Variants in KIF5C observed in about 807,000 individuals in gnomAD.
The protein encoded by KIF5C is kinesin family member 5C.
In KIF5C, 18 loss-of-function variants were observed where a neutral mutation model predicts 125.2. The ratio of observed to expected loss-of-function variants is 0.14; its 90% CI spans 0.10 to 0.21. The LOEUF (loss-of-function observed/expected upper bound fraction) is 0.21, where lower values mean the gene tolerates loss of function less well. KIF5C is among the 10% of genes least tolerant of loss of function. The pLI is 1.00. For missense variants in KIF5C, 780 were observed against 1,183.8 expected, an observed-to-expected ratio of 0.66 and a Z score of 5.01; for synonymous variants, 405 against 434.0, an observed-to-expected ratio of 0.93 and a Z score of 0.83.
chr2:148,924,628 G>A lies in KIF5C; in HGVS notation c.217+2401G>A, dbSNP rs1681921561. Among the ~76,000 whole-genome samples, 1 of 152,134 alleles carries A rather than the reference G, an allele frequency of 6.6e-6. No homozygotes were observed. The highest frequency in any genetic ancestry group is 1.5e-5 in the Non-Finnish European group (1 of 68,032). On this transcript the variant is annotated intron_variant, in intron 2 of 25. Transcript: ENST00000435030. The surrounding 1 kb of genome is among the most constrained non-coding windows in gnomAD (Gnocchi z 4.0). ...CCATTTCTTCTCAAAGAGGTTGTAG[G>A]GTTTCTGACTACCAGCACAGTAAAT...
chr2:148,911,516 A>C (rs1574726205), intron 1 of KIF5C, among the ~76,000 whole-genome samples: 1 of 152,204 alleles, frequency 6.6e-6, no homozygotes, highest in East Asian at 1.9e-4. Context: ...AGCAAAAATT[A>C]GGTGGCAGGA....
intron 10 of KIF5C, among the ~76,000 whole-genome samples, chr2:148,957,496 C>T (rs575050781): frequency 4.6e-4 from 69 of 150,598 alleles, no homozygotes; most frequent in African/African-American, 1.6e-3. Flanking sequence ...TATCCTTTTA[C>T]TCTTAGTCTC....
chr2:148,965,861 G>A (rs1369649623), intron 11 of KIF5C, among the ~76,000 whole-genome samples: 2 of 152,102 alleles, frequency 1.3e-5, no homozygotes, highest in Non-Finnish European at 2.9e-5. Context: ...TTGTGGGCAG[G>A]GCCAGTTAGA....
chr2:149,018,592 G>C (rs1682438572), intron 25 of KIF5C, among the ~76,000 whole-genome samples: 1 of 152,206 alleles, frequency 6.6e-6, no homozygotes, highest in Admixed American at 6.5e-5. Context: ...ACTTTGGGAG[G>C]CCAAGGCAGG....
chr2:148,940,044 T>A (rs957230154), intron 4 of KIF5C, among the ~76,000 whole-genome samples: 1 of 152,242 alleles, frequency 6.6e-6, no homozygotes, highest in African/African-American at 2.4e-5. Flanking sequence ...TTTTTTTAGA[T>A]GTAATTAATT....
At chr2:148,987,132 T>C (rs985661712) in intron 15 of KIF5C, among the ~76,000 whole-genome samples, 5 of 152,200 alleles carry the variant, frequency 3.3e-5, no homozygotes, top group Non-Finnish European at 7.3e-5. Flanking sequence ...ATGGGAAGAA[T>C]GACAGGGACT....
intron 12 of KIF5C, 37 bp from the exon 13 acceptor site, chr2:148,978,885 A>G: frequency 6.4e-7 from 1 of 1,563,890 alleles, no homozygotes; most frequent in Non-Finnish European, 8.6e-7. Flanking sequence ...AAAATGACAT[A>G]ACTAACCAAA....
At chr2:148,927,492 G>T (rs1394179732) in intron 2 of KIF5C, among the ~76,000 whole-genome samples, 1 of 152,026 alleles carries the variant, frequency 6.6e-6, no homozygotes, top group Non-Finnish European at 1.5e-5. Context: ...CAGGGTGTGT[G>T]TGTGTGTGTG....
intron 21 of KIF5C, among the ~76,000 whole-genome samples, chr2:149,002,913 G>A (rs1206383883): frequency 1.3e-5 from 2 of 152,150 alleles, no homozygotes; most frequent in African/African-American, 2.4e-5. Flanking sequence ...TTTGAATGAC[G>A]TATTTTCCTC....
Position 148,994,477 on chromosome 2 carries a change from G to A in KIF5C, c.1962G>A (p.Arg654=). 1 of 1,576,904 alleles carries A rather than the reference G, an allele frequency of 6.3e-7. No homozygotes were observed. Among genetic ancestry groups the A allele is most frequent in the Non-Finnish European group, 8.6e-7 (1 of 1,161,342 alleles). Residue 654 remains arginine (R), a synonymous_variant, in exon 17 of 26, where the codon AGG becomes AGA. Coordinates refer to ENST00000435030, the MANE Select transcript of KIF5C (RefSeq NM_004522.3). The part of the protein sequence containing the change: ...TDYMQNMEQK[R]RQLEESQDSL... ...ACATGCAGAACATGGAACAGAAGAG[G>A]AGGCAGCTAGAAGAGTCCCAGGACT...
chr2:149,013,859 T>C (rs971336925), intron 25 of KIF5C, among the ~76,000 whole-genome samples: 5 of 152,056 alleles, frequency 3.3e-5, no homozygotes, highest in African/African-American at 1.2e-4. Context: ...AGAGTGAAAA[T>C]CAGTAGGTCT....
chr2:148,987,373 G>GCCAGAA (rs1174248585), intron 15 of KIF5C, among the ~76,000 whole-genome samples: 3 of 152,174 alleles, frequency 2.0e-5, no homozygotes, highest in Non-Finnish European at 2.9e-5. Context: ...TAGTAGCCTG[G>GCCAGAA]CCAGAACCAG....
At chr2:148,922,532 C>T (rs1681829028) in intron 2 of KIF5C, among the ~76,000 whole-genome samples, 1 of 152,130 alleles carries the variant, frequency 6.6e-6, no homozygotes, top group Middle Eastern at 3.2e-3. Context: ...AATTTTAAAA[C>T]ACTGGCTGCA....
chr2:148,950,394 C>A lies in KIF5C; in HGVS notation c.900C>A (p.Ile300=). 6.2e-7 allele frequency: 1 copy of A among 1,614,010 alleles called. No individual in the cohort carries two copies. Among genetic ancestry groups the A allele is most frequent in the Non-Finnish European group, 8.5e-7 (1 of 1,179,890 alleles). Residue 300 remains isoleucine, a synonymous_variant, in exon 10 of 26, where the codon ATC becomes ATA. Transcript: ENST00000435030. The part of the protein sequence containing the change: ...DSLGGNCRTT[I]VICCSPSVFN... ...TGGGTGGGAACTGCAGAACCACCAT[C>A]GTCATTTGCTGTTCTCCTTCTGTCT...
intron 12 of KIF5C, among the ~76,000 whole-genome samples, chr2:148,976,483 T>C (rs1681075381): frequency 6.6e-6 from 1 of 151,738 alleles, no homozygotes; most frequent in South Asian, 2.1e-4. Flanking sequence ...TTGGCCAGGA[T>C]GGTCTTGATT....
chr2:148,941,927 C>CT lies in KIF5C; in HGVS notation c.446-3dup. 1 of 1,610,036 alleles carries CT rather than the reference C, an allele frequency of 6.2e-7. No homozygotes were observed. Among genetic ancestry groups the CT allele is most frequent in the Non-Finnish European group, 8.5e-7 (1 of 1,179,128 alleles). On this transcript the variant is annotated splice_polypyrimidine_tract_variant and splice_region_variant and intron_variant, in intron 5 of 25. Coordinates refer to ENST00000435030, the MANE Select transcript of KIF5C (RefSeq NM_004522.3). ...CTTCTTTGCCTGCTGTCATTCTCATCTTTTTAGTATCCAAGACCAACTTGG... is the reference window on the plus strand; with the variant it reads ...CTTCTTTGCCTGCTGTCATTCTCATCTTTTTTAGTATCCAAGACCAACTTGG...
chr2:148,934,001 A>T (rs1363812775), intron 3 of KIF5C, among the ~76,000 whole-genome samples: 1 of 151,372 alleles, frequency 6.6e-6, no homozygotes, highest in Non-Finnish European at 1.5e-5. Flanking sequence ...TTCCACATAC[A>T]TCAGACACAT....
chr2:148,907,946 G>A (rs1681181446), intron 1 of KIF5C, among the ~76,000 whole-genome samples: 1 of 152,216 alleles, frequency 6.6e-6, no homozygotes, highest in African/African-American at 2.4e-5. Flanking sequence ...CTATGTTAGA[G>A]TCTCCAGACT....
rs1436283898 is a variant in KIF5C at position 149,024,736 on chromosome 2, A to G, written c.*1666A>G. ...GAGAGAGGACGACAAATTCTATTGA[A>G]GTATTTATTTTGTGAAGATGGCAAT... On this transcript the variant is annotated 3_prime_UTR_variant, in exon 26 of 26. Transcript: ENST00000435030. 6.6e-6 allele frequency: 1 copy of G among 152,512 alleles called. No homozygotes were observed. The allele number at this position is 152,512 out of a possible 1,614,324, so 9.4% of individuals were successfully genotyped here.
Sources: allele counts gnomAD v4.1 joint callset (sites outside exome capture counted in the v4.1 genomes callset), GRCh38; gene constraint gnomAD v4.1.1; non-coding constraint Gnocchi (gnomAD v3.1); transcripts MANE v1.5; gene names NCBI Gene and HGNC (gene_info 2026-07-23, HGNC 2026-07-21).